The following CDKN2B-AS1 variants were observed in gnomAD, a reference collection of about 807,000 sequenced individuals.
CDKN2B-AS1 encodes the protein CDKN2B antisense RNA 1 (non-protein coding).
At chr9:22,070,727 A>G (rs1465283343) in intron 4 of CDKN2B-AS1, among the ~76,000 whole-genome samples, 4 of 152,228 alleles carry the variant, frequency 2.6e-5, no homozygotes, top group Non-Finnish European at 5.9e-5. Flanking sequence ...ACAGTAGTGT[A>G]ACAAATGCCT....
Position 22,109,560 on chromosome 9 carries a change from C to T in CDKN2B-AS1, n.439-17543C>T, listed in dbSNP as rs113458982. Among the ~76,000 whole-genome samples the T allele has an allele frequency of 2.9e-3, 434 of 152,200 alleles. 4 individuals carry two copies. The highest frequency in any genetic ancestry group is 0.01 in the African/African-American group (417 of 41,526). ...TGACTGGCTAGGGAGAAACATGGTT[C>T]AAGAGCTGAATAAGTAAGAGCAAGT... On this transcript the variant is annotated intron_variant and non_coding_transcript_variant, in intron 4 of 4. Transcript: ENST00000650946.
chr9:22,044,273 C>G (rs1380634489), intron 1 of CDKN2B-AS1, among the ~76,000 whole-genome samples: 3 of 151,812 alleles, frequency 2.0e-5, no homozygotes, highest in Admixed American at 6.6e-5. Context: ...TATTATGGGA[C>G]AAATTAGTTA....
rs1186004728 is a variant in CDKN2B-AS1, at chr9:21,999,270, C to A, written n.29+4109C>A. Among the ~76,000 whole-genome samples the A allele has an allele frequency of 6.6e-6, 1 of 151,252 alleles. No individual in the cohort carries two copies. Among genetic ancestry groups the A allele is most frequent in the Non-Finnish European group, 1.5e-5 (1 of 67,804 alleles). On this transcript the variant is annotated intron_variant and non_coding_transcript_variant, in intron 1 of 4. Transcript: ENST00000650946. The surrounding 1 kb of genome is among the most constrained non-coding windows in gnomAD (Gnocchi z 4.7). Reference sequence around the variant, plus strand: ...TATTTTAAGTATGTAAAGACACACACAAATAATGTATGGAAATATATATAC... The same window carrying A: ...TATTTTAAGTATGTAAAGACACACAAAAATAATGTATGGAAATATATATAC...
At chr9:22,087,444 GT>G (rs973385594) in intron 4 of CDKN2B-AS1, among the ~76,000 whole-genome samples, 1 of 152,164 alleles carries the variant, frequency 6.6e-6, no homozygotes, top group Admixed American at 6.5e-5. Context: ...ATAATCCTTA[GT>G]TTTTTAAAGA....
At chr9:22,113,111 G>A (rs1825844131) in intron 4 of CDKN2B-AS1, among the ~76,000 whole-genome samples, 1 of 152,194 alleles carries the variant, frequency 6.6e-6, no homozygotes, top group African/African-American at 2.4e-5. Flanking sequence ...CAGTTCCTGT[G>A]TGTCAGACCT....
chr9:21,996,127 C>G lies in CDKN2B-AS1; in HGVS notation n.29+966C>G, dbSNP rs374029907. 5 of 152,260 alleles carry G rather than the reference C, an allele frequency of 3.3e-5. No individual in the cohort carries two copies. The highest frequency in any genetic ancestry group is 1.2e-4 in the African/African-American group (5 of 41,456). The allele number at this position is 152,260 out of a possible 1,614,324, so 9.4% of individuals were successfully genotyped here. Reference sequence around the variant, plus strand: ...GGGAGGAAAGTGAGGCCTGCACTGGCCGAGCCACCCACTTAAGGCGGTGCG... The same window carrying G: ...GGGAGGAAAGTGAGGCCTGCACTGGGCGAGCCACCCACTTAAGGCGGTGCG... On this transcript the variant is annotated intron_variant and non_coding_transcript_variant, in intron 1 of 4. Coordinates refer to ENST00000650946, the Ensembl canonical transcript of CDKN2B-AS1. This position sits in a 1 kb window ranked among gnomAD's most constrained non-coding sequence, Gnocchi z 5.4.
chr9:22,011,072 A>T (rs1424530591), intron 1 of CDKN2B-AS1, among the ~76,000 whole-genome samples: 1 of 152,180 alleles, frequency 6.6e-6, no homozygotes, highest in Non-Finnish European at 1.5e-5. Context: ...TTGGGTAGGG[A>T]AAACGTTGCC....
Position 22,036,438 on chromosome 9 carries a change from G to A in CDKN2B-AS1, n.30-10313G>A, listed in dbSNP as rs149304926. On this transcript the variant is annotated intron_variant and non_coding_transcript_variant, in intron 1 of 4. Transcript: ENST00000650946. ...AAAAATTGTCATTTTAATTCTAGAG[G>A]TATAACAACAGTGTGTAAGTTGCAT... Among the ~76,000 whole-genome samples, 1,045 of 152,116 alleles carry A rather than the reference G, an allele frequency of 6.9e-3. 13 individuals carry two copies. Among genetic ancestry groups the A allele is most frequent in the African/African-American group, 0.021 (885 of 41,508 alleles).
At chr9:22,127,195 C>T (rs763588266) in exon 5 of CDKN2B-AS1, among the ~76,000 whole-genome samples, 12 of 152,166 alleles carry the variant, frequency 7.9e-5, no homozygotes, top group Non-Finnish European at 1.8e-4. Flanking sequence ...GATTCTCCTG[C>T]CTCAGCCTCC....
chr9:22,085,590 G>T (rs184122774), intron 4 of CDKN2B-AS1, among the ~76,000 whole-genome samples: 73 of 152,062 alleles, frequency 4.8e-4, no homozygotes, highest in African/African-American at 1.7e-3. Context: ...GTGTGGTGGC[G>T]GGCCCCTGTA....
At position 22,094,263 on chromosome 9, in the gene CDKN2B-AS1, T is replaced by C. The variant is rs1313329164; in HGVS notation, n.439-32840T>C. 4.2e-5 allele frequency among the ~76,000 whole-genome samples: 6 copies of C among 143,842 alleles called. 2 individuals are homozygous for C. The highest frequency in any genetic ancestry group is 1.8e-4 in the African/African-American group (6 of 34,080). 94.4% of individuals were successfully genotyped at this position (143,842 alleles called of 152,430 possible). On this transcript the variant is annotated intron_variant and non_coding_transcript_variant, in intron 4 of 4. Transcript: ENST00000650946. ...GCTGCCCTTAACATTTTTTCCTTCA[T>C]TTCAACTTTGGCAAATCCGACAATT... is the stretch of plus-strand genomic sequence containing the variant.
At chr9:22,097,669 T>G (rs930345215) in intron 4 of CDKN2B-AS1, among the ~76,000 whole-genome samples, 7 of 152,158 alleles carry the variant, frequency 4.6e-5, no homozygotes, top group Admixed American at 6.5e-5. Context: ...CTAAGAATAA[T>G]ATTGTCCTTT....
chr9:22,051,585 A>G (rs556312297), intron 3 of CDKN2B-AS1, among the ~76,000 whole-genome samples: 1 of 152,238 alleles, frequency 6.6e-6, no homozygotes, highest in East Asian at 1.9e-4. Flanking sequence ...AATTCTCCAA[A>G]TTTGCAATTT....
intron 4 of CDKN2B-AS1, among the ~76,000 whole-genome samples, chr9:22,122,150 T>G (rs72654289): frequency 2.0e-5 from 3 of 151,906 alleles, no homozygotes; most frequent in African/African-American, 7.3e-5. Flanking sequence ...TCCCTGATGA[T>G]TAGGGATGTT....
Position 22,054,158 on chromosome 9 carries a change from A to G in CDKN2B-AS1, n.303-2094A>G, listed in dbSNP as rs1206164548. On this transcript the variant is annotated intron_variant and non_coding_transcript_variant, in intron 3 of 4. Transcript: ENST00000650946. ...AATCCTCACAACAATCCTGTGAGAT[A>G]GGTACTATTATCATTTCTATTTTAC... Among the ~76,000 whole-genome samples, 4 of 152,228 alleles carry G rather than the reference A, an allele frequency of 2.6e-5. No homozygotes were observed. The East Asian group carries it at 7.7e-4, about 29-fold the overall frequency.
chr9:22,015,508 G>C (rs929389154), intron 1 of CDKN2B-AS1, among the ~76,000 whole-genome samples: 12 of 151,994 alleles, frequency 7.9e-5, no homozygotes, highest in African/African-American at 2.9e-4. Flanking sequence ...AAATAATCTT[G>C]TTTGAATTTT....
chr9:22,107,883 T>A (rs1825701654), intron 4 of CDKN2B-AS1, among the ~76,000 whole-genome samples: 1 of 152,166 alleles, frequency 6.6e-6, no homozygotes, highest in African/African-American at 2.4e-5. Flanking sequence ...AAGGAATGTA[T>A]TAGGTAAGGC....
chr9:22,014,449 G>A (rs1378890965), intron 1 of CDKN2B-AS1, among the ~76,000 whole-genome samples: 2 of 152,028 alleles, frequency 1.3e-5, no homozygotes, highest in Admixed American at 1.3e-4. Flanking sequence ...ACAGACATAA[G>A]CCACTGTGCC....
In CDKN2B-AS1 at chr9:22,001,059, T is replaced by G. The variant is rs1357217666; in HGVS notation, n.29+5898T>G. 6.6e-6 allele frequency among the ~76,000 whole-genome samples: 1 copy of G among 152,110 alleles called. No homozygotes were observed. The highest frequency in any genetic ancestry group is 1.5e-5 in the Non-Finnish European group (1 of 67,982). ...GGGGATGGAAGAATTTGTGCATAGA[T>G]AGACGGCAGATGGGAATTCGTTTAA... On this transcript the variant is annotated intron_variant and non_coding_transcript_variant, in intron 1 of 4. Coordinates refer to ENST00000650946, the Ensembl canonical transcript of CDKN2B-AS1. This position sits in a 1 kb window ranked among gnomAD's most constrained non-coding sequence, Gnocchi z 4.2.
Sources: gnomAD v4.1 joint callset for allele counts (sites outside exome capture counted in the v4.1 genomes callset) on GRCh38, gnomAD v4.1.1 for gene constraint, Gnocchi (gnomAD v3.1) non-coding constraint, MANE v1.5 for transcripts, NCBI Gene and HGNC (gene_info 2026-07-23, HGNC 2026-07-21) for gene names.